BTAF1: variants seen among roughly 807,000 people sequenced by gnomAD.
BTAF1 encodes B-TFIID TATA-box binding protein associated factor 1, also known as TATA-binding protein-associated factor 172.
A neutral mutation model predicts 227.1 loss-of-function variants in BTAF1; 38 were observed. The observed-to-expected ratio is 0.17, with a 90% confidence interval of 0.13 to 0.22. The LOEUF (loss-of-function observed/expected upper bound fraction) is 0.22. Among genes scored for constraint, BTAF1 ranks in the 10% least tolerant of loss-of-function variants. BTAF1 has a pLI of 1.00. For synonymous variants in BTAF1, 742 were observed against 751.9 expected (o/e 0.99, Z 0.21); for missense variants, 1,598 against 2,204.0 (o/e 0.73, Z 5.51).
chr10:91,928,483 G>A (rs1043483942), intron 1 of BTAF1, among the ~76,000 whole-genome samples: 4 of 152,042 alleles, frequency 2.6e-5, no homozygotes, highest in Non-Finnish European at 4.4e-5. Flanking sequence ...CTTAAGATGC[G>A]GATGCCGGAA....
chr10:91,924,860 A>G (rs550435364), intron 1 of BTAF1, among the ~76,000 whole-genome samples: 5 of 152,360 alleles, frequency 3.3e-5, no homozygotes, highest in African/African-American at 1.2e-4. Flanking sequence ...GACCCTCTGT[A>G]CATGTAATTA....
chr10:91,954,825 C>T (rs77141839), intron 6 of BTAF1, among the ~76,000 whole-genome samples: 2,065 of 152,178 alleles, frequency 0.014, 48 homozygotes, highest in African/African-American at 0.045. Flanking sequence ...CCCAAAGTGT[C>T]GGGATTATAG....
Position 92,013,670 on chromosome 10 carries a change from A to C in BTAF1, c.4315A>C (p.Asn1439His), listed in dbSNP as rs1324803317. Reference sequence around the variant, plus strand: ...TAATTGGTGTTCCTGTTTACAGAACAACGTTTTGGAGCTGTGGTCATTATT... The same window carrying C: ...TAATTGGTGTTCCTGTTTACAGAACCACGTTTTGGAGCTGTGGTCATTATT... ...IILSGTPIQN[N>H]VLELWSLFDF... is the part of the protein sequence containing the mutation. Residue 1439 changes from asparagine (N) to histidine (H), a missense_variant, in exon 31 of 38, where the codon AAC becomes CAC. By Grantham distance (68) the Asn-to-His change is moderately conservative. Transcript: ENST00000265990. The C allele has an allele frequency of 6.2e-7, 1 of 1,613,978 alleles. No individual in the cohort carries two copies. Among genetic ancestry groups the C allele is most frequent in the Admixed American group, 1.7e-5 (1 of 60,012 alleles).
chr10:91,992,463 CG>C (rs1282555204), intron 21 of BTAF1, among the ~76,000 whole-genome samples, 154 bp downstream of exon 21: 85 of 151,998 alleles, frequency 5.6e-4, no homozygotes, highest in Non-Finnish European at 1.0e-4. Context: ...TCCAGAAAAA[CG>C]GCAAACTTCA....
rs1050941149 is a variant in BTAF1, at chr10:92,016,471, G to T, written c.4710+6G>T. 6.5e-7 allele frequency: 1 copy of T among 1,543,326 alleles called. No homozygotes were observed. The highest frequency in any genetic ancestry group is 8.7e-7 in the Non-Finnish European group (1 of 1,154,590). On this transcript the variant is annotated splice_donor_region_variant and intron_variant, in intron 33 of 37. Transcript: ENST00000265990. Reference sequence around the variant, plus strand: ...CTACAGGCCACGTATTCCAGGTATAGATTACATTCTACTTTTTTTTTTTTT... The same window carrying T: ...CTACAGGCCACGTATTCCAGGTATATATTACATTCTACTTTTTTTTTTTTT...
intron 4 of BTAF1, among the ~76,000 whole-genome samples, chr10:91,951,096 G>T (rs1344206255): frequency 6.6e-6 from 1 of 152,040 alleles, no homozygotes; most frequent in African/African-American, 2.4e-5. Context: ...AAAGTGCTGG[G>T]ATTACAGGTG....
rs545042717 is a variant in BTAF1 at position 91,951,264 on chromosome 10, T to G, written c.401-139T>G. The G allele has an allele frequency of 4.9e-6, 4 of 809,876 alleles. No homozygotes were observed. In the East Asian group the frequency reaches 1.1e-4, roughly 23 times the overall value. 50.2% of individuals were successfully genotyped at this position (809,876 alleles called of 1,614,324 possible). A position where few individuals can be genotyped will look rare whatever the true frequency, so the allele number is the denominator to read the frequency against. ...TGATTAGGTAACAGAGTTTATGAGATGATCATGAATGAATATGGTTGGTTT... is the reference window on the plus strand; with the variant it reads ...TGATTAGGTAACAGAGTTTATGAGAGGATCATGAATGAATATGGTTGGTTT... On this transcript the variant is annotated intron_variant, in intron 4 of 37. Transcript: ENST00000265990.
At position 91,940,033 on chromosome 10, in the gene BTAF1, C is replaced by T; in HGVS notation, c.220C>T (p.Pro74Ser). The change falls in exon 3 of 38, where the codon CCT (proline) becomes TCT (serine). Residue 74 changes from proline to serine, a missense_variant. By Grantham distance (74) the Pro-to-Ser change is moderately conservative. Transcript: ENST00000265990. ...QAVEAIVKNV[P>S]EWNPVPRTRQ... ...TGTTGAAGCTATAGTGAAAAATGTA[C>T]CTGAGTGGAATCCAGTGCCGAGAAC... 1 of 1,612,208 alleles carries T rather than the reference C, an allele frequency of 6.2e-7. No individual in the cohort carries two copies. Among genetic ancestry groups the T allele is most frequent in the Non-Finnish European group, 8.5e-7 (1 of 1,178,842 alleles).
rs1590019243 is a variant in BTAF1, at chr10:92,029,631, T to C, written c.*698T>C. On this transcript the variant is annotated 3_prime_UTR_variant, in exon 38 of 38. Transcript: ENST00000265990. Reference sequence around the variant, plus strand: ...GGTTTTTTTTAATTTATCTAATGGCTACGATATAGCCAGATTCAAATAACA... The same window carrying C: ...GGTTTTTTTTAATTTATCTAATGGCCACGATATAGCCAGATTCAAATAACA... The C allele has an allele frequency of 1.3e-5, 2 of 152,106 alleles. No homozygotes were observed. The highest frequency in any genetic ancestry group is 4.1e-4 in the South Asian group (2 of 4,828). The allele number at this position is 152,106 out of a possible 1,614,324, so 9.4% of individuals were successfully genotyped here. A position where few individuals can be genotyped will look rare whatever the true frequency, so the allele number is the denominator to read the frequency against.
At chr10:91,995,600 C>T (rs1017690373) in intron 23 of BTAF1, among the ~76,000 whole-genome samples, 3 of 151,412 alleles carry the variant, frequency 2.0e-5, no homozygotes, top group Admixed American at 6.6e-5. Flanking sequence ...CACTGGAACC[C>T]GGGAGGCAGA....
rs758135042 is a variant in BTAF1, at chr10:92,013,883, C to T, written c.4454-16C>T. The T allele has an allele frequency of 2.5e-6, 4 of 1,613,100 alleles. No individual in the cohort carries two copies. The Admixed American group carries it at 5.0e-5, about 20-fold the overall frequency. On this transcript the variant is annotated splice_polypyrimidine_tract_variant and intron_variant, in intron 31 of 37. Transcript: ENST00000265990. ...CTTAACTTTTTTGAAGCCATTTTCT[C>T]TTTAACTATTAACAGGTGTTCTTGC...
chr10:91,995,633 G>A (rs766831245), intron 23 of BTAF1, among the ~76,000 whole-genome samples: 5 of 150,884 alleles, frequency 3.3e-5, no homozygotes, highest in Non-Finnish European at 5.9e-5. Flanking sequence ...CCAAGATCGC[G>A]CCACTGCACT....
At chr10:92,018,332 C>T (rs756172478) in intron 33 of BTAF1, among the ~76,000 whole-genome samples, 20 of 152,176 alleles carry the variant, frequency 1.3e-4, no homozygotes, top group Non-Finnish European at 2.1e-4. Flanking sequence ...CCACCCACCT[C>T]GGCCTCCCAA....
intron 14 of BTAF1, among the ~76,000 whole-genome samples, chr10:91,979,826 A>G (rs1328596369): frequency 6.6e-6 from 1 of 152,092 alleles, no homozygotes; most frequent in African/African-American, 2.4e-5. Context: ...GAGGTTTGTA[A>G]CCCAGGCTTT....
chr10:91,936,343 G>C (rs1003053765), intron 2 of BTAF1, among the ~76,000 whole-genome samples: 1 of 152,196 alleles, frequency 6.6e-6, no homozygotes. Context: ...CTGATGTGCA[G>C]AGTAAAGCAG....
intron 1 of BTAF1, among the ~76,000 whole-genome samples, chr10:91,934,370 G>A (rs545937174): frequency 3.2e-4 from 48 of 151,972 alleles, no homozygotes; most frequent in African/African-American, 1.1e-3. Context: ...CCTAGTAGCC[G>A]GGACTACAGG....
chr10:91,953,906 C>T, intron 6 of BTAF1, 33 bp downstream of exon 6: 1 of 1,609,024 alleles, frequency 6.2e-7, no homozygotes, highest in Non-Finnish European at 8.5e-7. Flanking sequence ...TCACTTAAAA[C>T]AAGAGGGCTC....
chr10:91,974,129 A>G (rs928065456), intron 14 of BTAF1, among the ~76,000 whole-genome samples: 5 of 152,214 alleles, frequency 3.3e-5, no homozygotes, highest in Non-Finnish European at 5.9e-5. Flanking sequence ...TTCAGTTTCT[A>G]ACTTCTCAAG....
At chr10:92,024,101 T>C (rs899664450) in intron 34 of BTAF1, among the ~76,000 whole-genome samples, 1 of 152,236 alleles carries the variant, frequency 6.6e-6, no homozygotes, top group Non-Finnish European at 1.5e-5. Flanking sequence ...CGAACCACTT[T>C]AGGAATAAGT....
Sources: gnomAD v4.1 joint callset for allele counts (sites outside exome capture counted in the v4.1 genomes callset) on GRCh38, gnomAD v4.1.1 for gene constraint, MANE v1.5 for transcripts, NCBI Gene and HGNC (gene_info 2026-07-23, HGNC 2026-07-21) for gene names.